The following SCAF4 variants were observed in gnomAD, a reference collection of about 807,000 sequenced individuals.
SCAF4 encodes the protein SR-related CTD associated factor 4.
Under a neutral mutation model 129.8 loss-of-function variants are expected in SCAF4, and 25 were observed. The ratio of observed to expected loss-of-function variants is 0.19; its 90% CI spans 0.14 to 0.27. SCAF4 has a LOEUF of 0.27. Among genes scored for constraint, SCAF4 ranks in the 10% least tolerant of loss-of-function variants. The pLI, the probability that SCAF4 is intolerant of heterozygous loss-of-function variation, is 1.00. For synonymous variants in SCAF4, 551 were observed against 497.7 expected, an observed-to-expected ratio of 1.11 and a Z score of -1.43; for missense variants, 1,246 against 1,457.1, an observed-to-expected ratio of 0.86 and a Z score of 2.36.
chr21:31,710,106 T>C (rs1205635642), intron 1 of SCAF4, among the ~76,000 whole-genome samples: 2 of 152,048 alleles, frequency 1.3e-5, no homozygotes, highest in African/African-American at 2.4e-5. Flanking sequence ...CAATGAAACA[T>C]ACTGAATTTA....
intron 1 of SCAF4, among the ~76,000 whole-genome samples, chr21:31,724,256 T>C (rs1450072423): frequency 6.6e-6 from 1 of 152,220 alleles, no homozygotes; most frequent in Non-Finnish European, 1.5e-5. Flanking sequence ...AATGTAGACA[T>C]GTCTCTCCTA....
chr21:31,710,375 CCT>C (rs1467864921), intron 1 of SCAF4, among the ~76,000 whole-genome samples: 1 of 152,012 alleles, frequency 6.6e-6, no homozygotes, highest in Non-Finnish European at 1.5e-5. Flanking sequence ...ATGGTGAAAC[CCT>C]GTCTCTACTA....
At chr21:31,685,904 T>C (rs1360926132) in intron 16 of SCAF4, among the ~76,000 whole-genome samples, 171 bp from the exon 17 acceptor site, 3 of 152,088 alleles carry the variant, frequency 2.0e-5, no homozygotes, top group Non-Finnish European at 2.9e-5. Flanking sequence ...TACCAACTGA[T>C]AGAAATCAAA....
chr21:31,702,431 G>T (rs747047034), intron 4 of SCAF4, 52 bp from the exon 5 acceptor site: 2 of 1,482,096 alleles, frequency 1.3e-6, no homozygotes, highest in African/African-American at 1.4e-5. Flanking sequence ...ATAAATAACC[G>T]ATTATACTCT....
At chr21:31,711,237 G>C (rs971595620) in intron 1 of SCAF4, among the ~76,000 whole-genome samples, 1 of 152,162 alleles carries the variant, frequency 6.6e-6, no homozygotes, top group East Asian at 1.9e-4. Context: ...TTCAAAATTG[G>C]AGGTTTGCAA....
intron 1 of SCAF4, among the ~76,000 whole-genome samples, chr21:31,714,554 T>C (rs76676183): frequency 0.016 from 2,425 of 152,244 alleles, 69 homozygotes; most frequent in African/African-American, 0.055. Context: ...TTATGAAGAA[T>C]GATTCATCCT....
chr21:31,731,851 C>A lies in SCAF4; in HGVS notation c.-159G>T, dbSNP rs1268589034. On this transcript the variant is annotated 5_prime_UTR_variant, in exon 1 of 20. Transcript: ENST00000286835. ...CAGGAAGAGGCTGCGCCCGAAGCGG[C>A]GAGGCGGGCGGCCGAGGCAGAGGCG... The A allele has an allele frequency of 1.3e-6, 1 of 774,320 alleles. No homozygotes were observed. Among genetic ancestry groups the A allele is most frequent in the Non-Finnish European group, 1.9e-6 (1 of 535,618 alleles). 48.0% of individuals were successfully genotyped at this position (774,320 alleles called of 1,614,324 possible). A position where few individuals can be genotyped will look rare whatever the true frequency, so the allele number is the denominator to read the frequency against.
Position 31,671,375 on chromosome 21 carries a change from TCA to T in SCAF4, c.*22_*23del. ...CTCTACACTCCAGGAAGTGTCACTG[TCA>T]CATTTTCACAAATTCCAGTCTCTAA... On this transcript the variant is annotated 3_prime_UTR_variant, in exon 20 of 20. Transcript: ENST00000286835. 6.2e-7 allele frequency: 1 copy of T among 1,605,094 alleles called. No individual in the cohort carries two copies.
Position 31,685,709 on chromosome 21 carries a change from G to A in SCAF4, c.2068C>T (p.Pro690Ser). 6.2e-7 allele frequency: 1 copy of A among 1,605,984 alleles called. No homozygotes were observed. The highest frequency in any genetic ancestry group is 8.5e-7 in the Non-Finnish European group (1 of 1,176,642). ...PQVPPHQPGP[P>S]VVGALQPPAF... ...GGCGGCTGGAGAGCACCAACTACAG[G>A]TGGACCCGGTTGATGTGGTGGGACC... The change falls in exon 17 of 20, where the codon CCT becomes TCT. Residue 690 changes from proline (P) to serine (S), a missense_variant. Coordinates refer to ENST00000286835, the MANE Select transcript of SCAF4 (RefSeq NM_020706.2).
chr21:31,714,723 C>T (rs536323783), intron 1 of SCAF4, among the ~76,000 whole-genome samples: 27 of 152,258 alleles, frequency 1.8e-4, no homozygotes, highest in African/African-American at 6.5e-4. Context: ...GTTTAGTCAA[C>T]CTTTCTAAAC....
At position 31,723,627 on chromosome 21, in the gene SCAF4, T is replaced by TGC. The variant is rs200958555; in HGVS notation, c.30+8035_30+8036insGC. ...TTTATATGATGTGTGTGTGTGTGTG[T>TGC]GTGCGCGCGCGCGCGCGCGCACATA... is the stretch of plus-strand genomic sequence containing the variant. On this transcript the variant is annotated intron_variant, in intron 1 of 19. Coordinates refer to ENST00000286835, the MANE Select transcript of SCAF4 (RefSeq NM_020706.2). Among the ~76,000 whole-genome samples the TGC allele has an allele frequency of 8.8e-3, 1,248 of 142,606 alleles. 21 individuals carry two copies. Among genetic ancestry groups the TGC allele is most frequent in the Admixed American group, 0.051 (720 of 14,048 alleles). The allele number at this position is 142,606 out of a possible 152,430, so 93.6% of individuals were successfully genotyped here. A position where few individuals can be genotyped will look rare whatever the true frequency, so the allele number is the denominator to read the frequency against.
At position 31,685,406 on chromosome 21, in the gene SCAF4, A is replaced by G; in HGVS notation, c.2288T>C (p.Ile763Thr). 6.2e-7 allele frequency: 1 copy of G among 1,610,384 alleles called. No homozygotes were observed. Residue 763 changes from isoleucine to threonine, a missense_variant, in exon 18 of 20, where the codon ATC becomes ACC. By Grantham distance (89) the Ile-to-Thr change is moderately conservative (BLOSUM62 -1). Coordinates refer to ENST00000286835, the MANE Select transcript of SCAF4 (RefSeq NM_020706.2). Reference protein sequence around the residue: ...IPPPHTPPISIPNSTIAGINE... With the variant: ...IPPPHTPPISTPNSTIAGINE... ...GAAAAAAACATGCTTACAGTTTGGG[A>G]TGCTTATTGGTGGAGTGTGAGGAGG...
At chr21:31,721,725 C>A (rs201748276) in intron 1 of SCAF4, among the ~76,000 whole-genome samples, 2 of 125,422 alleles carry the variant, frequency 1.6e-5, no homozygotes, top group East Asian at 2.4e-4. Context: ...AAGAGCAATT[C>A]TTTTTTTTTT....
At chr21:31,680,256 T>C (rs576357310) in intron 19 of SCAF4, among the ~76,000 whole-genome samples, 2 of 152,338 alleles carry the variant, frequency 1.3e-5, no homozygotes, top group Non-Finnish European at 2.9e-5. Context: ...TTTCTCCATG[T>C]TTCATTTGAA....
intron 12 of SCAF4, 133 bp downstream of exon 12, chr21:31,693,161 G>T: frequency 1.5e-6 from 1 of 646,526 alleles, no homozygotes; most frequent in Non-Finnish European, 2.3e-6. Context: ...CAAGGCACAA[G>T]AAAGCAATAT....
intron 19 of SCAF4, among the ~76,000 whole-genome samples, chr21:31,677,289 T>C (rs2049882722): frequency 6.6e-6 from 1 of 152,124 alleles, no homozygotes; most frequent in African/African-American, 2.4e-5. Context: ...CCCTTCTTGC[T>C]TGCACCAACA....
At position 31,711,099 on chromosome 21, in the gene SCAF4, C is replaced by T. The variant is rs574539305; in HGVS notation, c.31-4742G>A. Among the ~76,000 whole-genome samples, 21 of 152,234 alleles carry T rather than the reference C, an allele frequency of 1.4e-4. No homozygotes were observed. The South Asian group carries it at 4.2e-3, about 30-fold the overall frequency. Reference sequence around the variant, plus strand: ...AGCTGGAACTATAGGCATGTGCCACCCCACCAGAGAAGTTTCTTTTGGGAT... The same window carrying T: ...AGCTGGAACTATAGGCATGTGCCACTCCACCAGAGAAGTTTCTTTTGGGAT... On this transcript the variant is annotated intron_variant, in intron 1 of 19. Transcript: ENST00000286835.
At chr21:31,731,169 C>T (rs1437538754) in intron 1 of SCAF4, among the ~76,000 whole-genome samples, 1 of 152,208 alleles carries the variant, frequency 6.6e-6, no homozygotes, top group African/African-American at 2.4e-5. Context: ...GCCGTCGACG[C>T]GCCGCGGCCT....
intron 8 of SCAF4, 63 bp downstream of exon 8, chr21:31,696,506 T>A (rs1372549211): frequency 3.6e-6 from 5 of 1,388,098 alleles, no homozygotes; most frequent in Non-Finnish European, 3.9e-6. Context: ...AAATGTTACT[T>A]AGGTTATGCC....
Sources: allele counts gnomAD v4.1 joint callset (sites outside exome capture counted in the v4.1 genomes callset), GRCh38; gene constraint gnomAD v4.1.1; transcripts MANE v1.5; gene names NCBI Gene and HGNC (gene_info 2026-07-23, HGNC 2026-07-21).